YWHAQ: variants seen among roughly 807,000 people sequenced by gnomAD.
The protein encoded by YWHAQ is 14-3-3 protein theta.
YWHAQ carries 6 observed loss-of-function variants against 28.3 expected under a neutral mutation model. That is an observed-to-expected ratio of 0.21 (90% CI 0.12 to 0.42). YWHAQ has a LOEUF of 0.42. YWHAQ is among the 10% of genes least tolerant of loss of function. The pLI, the probability that YWHAQ is intolerant of heterozygous loss-of-function variation, is 1.00. For synonymous variants in YWHAQ, 143 were observed against 119.1 expected (o/e 1.20, Z -1.31); for missense variants, 201 against 305.6 (o/e 0.66, Z 2.55).
At chr2:9,627,866 T>C (rs1017108344) in intron 2 of YWHAQ, among the ~76,000 whole-genome samples, 1 of 152,152 alleles carries the variant, frequency 6.6e-6, no homozygotes, top group Non-Finnish European at 1.5e-5. Flanking sequence ...CCTTTAATAC[T>C]GACACCTCCG....
At position 9,630,631 on chromosome 2, in the gene YWHAQ, C is replaced by G; in HGVS notation, c.-82-97G>C. 1.7e-6 allele frequency: 1 copy of G among 578,864 alleles called. No individual in the cohort carries two copies. The highest frequency in any genetic ancestry group is 2.8e-6 in the Non-Finnish European group (1 of 352,418). 35.9% of individuals were successfully genotyped at this position (578,864 alleles called of 1,614,324 possible). On this transcript the variant is annotated intron_variant, in intron 1 of 5. Transcript: ENST00000238081. This position sits in a 1 kb window ranked among gnomAD's most constrained non-coding sequence, Gnocchi z 5.6. ...CGCCCGCTTTTGTCTCCCGCACACG[C>G]GGCCGCTTGAATTTCCCTCTCCCCC...
intron 2 of YWHAQ, among the ~76,000 whole-genome samples, chr2:9,627,660 C>G (rs536553510): frequency 3.3e-4 from 50 of 152,228 alleles, no homozygotes; most frequent in Middle Eastern, 3.4e-3. Flanking sequence ...GATCCCATCT[C>G]TACAATAAAT....
intron 2 of YWHAQ, among the ~76,000 whole-genome samples, chr2:9,624,949 GC>G (rs966652163): frequency 4.6e-5 from 7 of 151,776 alleles, no homozygotes; most frequent in Non-Finnish European, 8.8e-5. Flanking sequence ...TTATCATGTT[GC>G]CTAGGCTGGT....
intron 2 of YWHAQ, among the ~76,000 whole-genome samples, chr2:9,596,604 A>G (rs1253677895): frequency 6.6e-6 from 1 of 152,216 alleles, no homozygotes. Flanking sequence ...TAGGATACAC[A>G]TATCAGTCAT....
rs562716431 is a variant in YWHAQ, at chr2:9,609,401, C to CA, written c.295-17887dup. Among the ~76,000 whole-genome samples, 232 of 151,540 alleles carry CA rather than the reference C, an allele frequency of 1.5e-3. 1 individual carries two copies. Among genetic ancestry groups the CA allele is most frequent in the Middle Eastern group, 0.01 (3 of 294 alleles). On this transcript the variant is annotated intron_variant, in intron 2 of 5. Transcript: ENST00000238081. Reference sequence around the variant, plus strand: ...TCAGAATACAGAATAAAGAATAAGACAAAAAAAGTGGAAAAATTATAAGAT... The same window carrying CA: ...TCAGAATACAGAATAAAGAATAAGACAAAAAAAAGTGGAAAAATTATAAGAT...
intron 2 of YWHAQ, among the ~76,000 whole-genome samples, chr2:9,626,461 G>A (rs907910900): frequency 2.6e-5 from 4 of 152,112 alleles, no homozygotes; most frequent in African/African-American, 4.8e-5. Context: ...TCAGAGTCTC[G>A]CTCTGTGGCC....
chr2:9,588,478 A>T (rs1319891401), intron 3 of YWHAQ, 150 bp from the exon 4 acceptor site: 2 of 982,656 alleles, frequency 2.0e-6, no homozygotes, highest in African/African-American at 3.5e-5. Flanking sequence ...GCTAACAAAA[A>T]ACATTATCGT....
intron 2 of YWHAQ, among the ~76,000 whole-genome samples, chr2:9,621,892 T>C (rs765008034): frequency 3.9e-5 from 6 of 152,126 alleles, no homozygotes; most frequent in Non-Finnish European, 7.3e-5. Context: ...TGCAAGGACA[T>C]AGATGAAGCT....
intron 2 of YWHAQ, among the ~76,000 whole-genome samples, chr2:9,596,900 C>A (rs545125834): frequency 6.6e-6 from 1 of 152,310 alleles, no homozygotes; most frequent in East Asian, 1.9e-4. Context: ...CCTCTTCAGT[C>A]TCCCAAAGTG....
At position 9,630,541 on chromosome 2, in the gene YWHAQ, AGGGGC is replaced by A; in HGVS notation, c.-82-12_-82-8del. 1 of 1,307,860 alleles carries A rather than the reference AGGGGC, an allele frequency of 7.6e-7. No individual in the cohort carries two copies. The highest frequency in any genetic ancestry group is 1.0e-6 in the Non-Finnish European group (1 of 982,694). The allele number at this position is 1,307,860 out of a possible 1,614,324, so 81.0% of individuals were successfully genotyped here. ...GCGGGAGGAGCCTCGAGAGCTGCGGAGGGGCGGGGCGGCGAGGCGAGAACAAAAAG... is the reference window on the plus strand; with the variant it reads ...GCGGGAGGAGCCTCGAGAGCTGCGGAGGGGCGGCGAGGCGAGAACAAAAAG... On this transcript the variant is annotated splice_polypyrimidine_tract_variant and splice_region_variant and intron_variant, in intron 1 of 5. Transcript: ENST00000238081. The surrounding 1 kb of genome is among the most constrained non-coding windows in gnomAD (Gnocchi z 5.6).
chr2:9,612,692 G>C (rs1042080403), intron 2 of YWHAQ, among the ~76,000 whole-genome samples: 7 of 152,166 alleles, frequency 4.6e-5, no homozygotes, highest in African/African-American at 1.7e-4. Flanking sequence ...TTCATGTCAG[G>C]ATGCTAGGAA....
rs1036635889 is a variant in YWHAQ at position 9,589,523 on chromosome 2, C to T, written c.419-1195G>A. On this transcript the variant is annotated intron_variant, in intron 3 of 5. Transcript: ENST00000238081. ...ACTTGAACCCGGGAGGCGGAGCTTA[C>T]GGTGAGCCAAGATCGCGCCATTGCA... 3.1e-4 allele frequency among the ~76,000 whole-genome samples: 47 copies of T among 152,104 alleles called. 1 individual carries two copies. The highest frequency in any genetic ancestry group is 4.4e-5 in the Non-Finnish European group (3 of 68,024).
intron 2 of YWHAQ, among the ~76,000 whole-genome samples, chr2:9,611,418 T>G (rs1666944851): frequency 6.6e-6 from 1 of 152,212 alleles, no homozygotes; most frequent in South Asian, 2.1e-4. Context: ...TTCCTGGTTT[T>G]ATGCACCAGT....
chr2:9,615,288 T>A (rs1667021358), intron 2 of YWHAQ: 1 of 151,552 alleles, frequency 6.6e-6, no homozygotes, highest in South Asian at 2.1e-4. Context: ...AGGTAAGGAG[T>A]TATCTTGATT....
chr2:9,617,899 C>T (rs1196642216), intron 2 of YWHAQ, among the ~76,000 whole-genome samples: 1 of 151,054 alleles, frequency 6.6e-6, no homozygotes. Flanking sequence ...TGTACTCCAG[C>T]TTGGGTGACA....
At chr2:9,619,022 ATT>A (rs1368869681) in intron 2 of YWHAQ, among the ~76,000 whole-genome samples, 18 of 152,332 alleles carry the variant, frequency 1.2e-4, no homozygotes, top group African/African-American at 4.1e-4. Flanking sequence ...AAAAAATAAT[ATT>A]TGAGAATCTA....
At chr2:9,612,327 A>G (rs947988107) in intron 2 of YWHAQ, among the ~76,000 whole-genome samples, 16 of 152,112 alleles carry the variant, frequency 1.1e-4, no homozygotes, top group Non-Finnish European at 2.9e-5. Flanking sequence ...TCCTTCTCAA[A>G]ACCCCCAATG....
In YWHAQ at chr2:9,630,456, G is replaced by C. The variant is rs754157288; in HGVS notation, c.-4C>G. 3 of 1,593,506 alleles carry C rather than the reference G, an allele frequency of 1.9e-6. No homozygotes were observed. The highest frequency in any genetic ancestry group is 1.7e-5 in the Admixed American group (1 of 59,066). On this transcript the variant is annotated 5_prime_UTR_variant, in exon 2 of 6. Coordinates refer to ENST00000238081, the MANE Select transcript of YWHAQ (RefSeq NM_006826.4). The surrounding 1 kb of genome is among the most constrained non-coding windows in gnomAD (Gnocchi z 5.6). Reference sequence around the variant, plus strand: ...GGATCAGCTCAGTCTTCTCCATGGCGGGCGCGGGGCCGGGGCCGGGGCGGA... The same window carrying C: ...GGATCAGCTCAGTCTTCTCCATGGCCGGCGCGGGGCCGGGGCCGGGGCGGA...
In YWHAQ at chr2:9,585,773, C is replaced by T. The variant is rs565399501; in HGVS notation, c.679-428G>A. On this transcript the variant is annotated intron_variant, in intron 5 of 5. Transcript: ENST00000238081. The stretch of plus-strand genomic sequence containing the variant: ...TTTCAAAAACAAAATTGGCCAGGTA[C>T]GGGGTGGTGTGTGCCTACAGTCCTA... 2.0e-4 allele frequency among the ~76,000 whole-genome samples: 31 copies of T among 151,996 alleles called. No individual in the cohort carries two copies. In the South Asian group the frequency reaches 3.5e-3, roughly 17 times the overall value.
Sources: gnomAD v4.1 joint callset for allele counts (sites outside exome capture counted in the v4.1 genomes callset) on GRCh38, gnomAD v4.1.1 for gene constraint, Gnocchi (gnomAD v3.1) non-coding constraint, MANE v1.5 for transcripts, NCBI Gene and HGNC (gene_info 2026-07-23, HGNC 2026-07-21) for gene names.